WNT2B: variants seen among roughly 807,000 people sequenced by gnomAD.
WNT2B encodes Wnt family member 2B, also known as protein Wnt-2b.
A neutral mutation model predicts 40.5 loss-of-function variants in WNT2B; 19 were observed. The ratio of observed to expected loss-of-function variants is 0.47; its 90% CI spans 0.33 to 0.69. The LOEUF is 0.69. Ranked by LOEUF, WNT2B falls within the 30% of genes least tolerant of loss-of-function variation. WNT2B has a pLI of 0.02. For missense variants in WNT2B, 467 were observed against 556.4 expected, an observed-to-expected ratio of 0.84 and a Z score of 1.62; for synonymous variants, 220 against 211.9, an observed-to-expected ratio of 1.04 and a Z score of -0.33.
rs1414209901 is a variant in WNT2B at position 112,482,115 on chromosome 1, A to G, written c.-95+14524A>G. On this transcript the variant is annotated intron_variant, in intron 1 of 4. Coordinates refer to the WNT2B transcript ENST00000256640. The stretch of plus-strand genomic sequence containing the variant: ...GAGTTGAGATTGTGCATTGCACTCC[A>G]GCCTGGGCAACAAGAGTGAAAACTC... Among the ~76,000 whole-genome samples the G allele has an allele frequency of 2.0e-5, 3 of 151,316 alleles. No individual in the cohort carries two copies. The East Asian group carries it at 5.8e-4, about 29-fold the overall frequency.
intron 1 of WNT2B, among the ~76,000 whole-genome samples, chr1:112,502,171 G>A (rs1031353311): frequency 1.3e-5 from 2 of 152,204 alleles, no homozygotes; most frequent in Non-Finnish European, 2.9e-5. Context: ...TGCTGCGCCC[G>A]CGGGAGAGAG....
At chr1:112,508,621 A>C (rs1652204767), upstream of WNT2B, 1 of 729,502 alleles carries the variant, frequency 1.4e-6, no homozygotes. This position sits in a 1 kb window ranked among gnomAD's most constrained non-coding sequence, Gnocchi z 4.2. Flanking sequence ...GACAGGAGGG[A>C]AGTGCCCGCA....
Position 112,509,003 on chromosome 1 carries a change from C to T in WNT2B, c.-260C>T, listed in dbSNP as rs1652233471. 3 of 1,340,346 alleles carry T rather than the reference C, an allele frequency of 2.2e-6. No individual in the cohort carries two copies. Among genetic ancestry groups the T allele is most frequent in the Non-Finnish European group, 2.8e-6 (3 of 1,054,616 alleles). The allele number at this position is 1,340,346 out of a possible 1,614,324, so 83.0% of individuals were successfully genotyped here. A position where few individuals can be genotyped will look rare whatever the true frequency, so the allele number is the denominator to read the frequency against. The stretch of plus-strand genomic sequence containing the variant: ...GCAGCTCCCTTCAGCGCCGCAGACC[C>T]CCTGACACCGCACCCGGTCCTCAGG... On this transcript the variant is annotated 5_prime_UTR_variant, in exon 1 of 5. Coordinates refer to ENST00000369684, the MANE Select transcript of WNT2B (RefSeq NM_024494.3). This position sits in a 1 kb window ranked among gnomAD's most constrained non-coding sequence, Gnocchi z 4.2.
chr1:112,490,768 C>T (rs1018667701), intron 1 of WNT2B, among the ~76,000 whole-genome samples: 5 of 152,006 alleles, frequency 3.3e-5, no homozygotes, highest in Non-Finnish European at 7.4e-5. Context: ...GGATTACAGG[C>T]GTGAGCCCCC....
chr1:112,483,181 TACACACACACACAC>T (rs58250277), intron 1 of WNT2B, among the ~76,000 whole-genome samples: 27 of 141,132 alleles, frequency 1.9e-4, no homozygotes, highest in Admixed American at 5.0e-4. Flanking sequence ...GCAACATAGA[TACACACACACACAC>T]ACACACACAC....
At chr1:112,514,786 T>C in intron 1 of WNT2B, 88 bp from the exon 2 acceptor site, 1 of 1,280,884 alleles carries the variant, frequency 7.8e-7, no homozygotes, top group Non-Finnish European at 1.1e-6. Flanking sequence ...CTCTTCAAGG[T>C]CTGGATGCTA....
At chr1:112,487,822 A>G (rs1334440393) in intron 1 of WNT2B, among the ~76,000 whole-genome samples, 1 of 150,464 alleles carries the variant, frequency 6.6e-6, no homozygotes, top group Non-Finnish European at 1.5e-5. Flanking sequence ...AAACCCAGCT[A>G]TGTCAGGAGG....
intron 1 of WNT2B, among the ~76,000 whole-genome samples, chr1:112,484,715 C>A (rs1267972706): frequency 2.0e-5 from 3 of 150,204 alleles, no homozygotes; most frequent in African/African-American, 7.4e-5. Context: ...CAACTCCAGC[C>A]TGGGTGACAG....
At chr1:112,506,464 T>C (rs1557917657), upstream of WNT2B, among the ~76,000 whole-genome samples, 1 of 152,320 alleles carries the variant, frequency 6.6e-6, no homozygotes, top group East Asian at 1.9e-4. Context: ...TTCAGCCAAC[T>C]TTCCCCCTCC....
chr1:112,525,354 G>A lies in WNT2B; in HGVS notation c.*4845G>A, dbSNP rs1653238989. ...TACAGTGAATTGAGCTTTCTCAGAA[G>A]CTATTATTTTCTTTGGGTGATTGGC... On this transcript the variant is annotated 3_prime_UTR_variant, in exon 5 of 5. Transcript: ENST00000369684. 4 of 152,220 alleles carry A rather than the reference G, an allele frequency of 2.6e-5. No individual in the cohort carries two copies. Among genetic ancestry groups the A allele is most frequent in the Admixed American group, 2.6e-4 (4 of 15,278 alleles). The allele number at this position is 152,220 out of a possible 1,614,324, so 9.4% of individuals were successfully genotyped here.
At chr1:112,494,241 C>T (rs981694981) in intron 1 of WNT2B, among the ~76,000 whole-genome samples, 19 of 151,294 alleles carry the variant, frequency 1.3e-4, no homozygotes, top group African/African-American at 4.2e-4. Context: ...ACCCGAGAAG[C>T]GGAGGTTGCA....
rs1383854908 is a variant in WNT2B, at chr1:112,524,553, GAGCTTCACATTACACAGAGACCTGT to G, written c.*4049_*4073del. 6.5e-6 allele frequency: 1 copy of G among 152,676 alleles called. No homozygotes were observed. The highest frequency in any genetic ancestry group is 1.5e-5 in the Non-Finnish European group (1 of 68,082). The allele number at this position is 152,676 out of a possible 1,614,324, so 9.5% of individuals were successfully genotyped here. ...CTGGGTGCAGAAATGAAATACGGGA[GAGCTTCACATTACACAGAGACCTGT>G]AGCTCACACCTGGTTATTGATGGCC... On this transcript the variant is annotated 3_prime_UTR_variant, in exon 5 of 5. Transcript: ENST00000369684.
rs759363394 is a variant in WNT2B, at chr1:112,509,681, C to T, written c.182+237C>T. Reference sequence around the variant, plus strand: ...GAGCAAGGATGCCCGGTGGTCGCGGCTCCTTAGGCCTCCACGTGCTGTACC... The same window carrying T: ...GAGCAAGGATGCCCGGTGGTCGCGGTTCCTTAGGCCTCCACGTGCTGTACC... On this transcript the variant is annotated intron_variant, in intron 1 of 4. Coordinates refer to ENST00000369684, the MANE Select transcript of WNT2B (RefSeq NM_024494.3). The surrounding 1 kb of genome is among the most constrained non-coding windows in gnomAD (Gnocchi z 4.2). Among the ~76,000 whole-genome samples, 24 of 152,108 alleles carry T rather than the reference C, an allele frequency of 1.6e-4. No homozygotes were observed. The highest frequency in any genetic ancestry group is 2.9e-4 in the Non-Finnish European group (20 of 68,020).
chr1:112,504,293 C>T (rs565434963), upstream of WNT2B, among the ~76,000 whole-genome samples: 116 of 152,254 alleles, frequency 7.6e-4, no homozygotes, highest in African/African-American at 2.7e-3. Flanking sequence ...TCCTCTCCTC[C>T]TTCCCCTTCT....
upstream of WNT2B, among the ~76,000 whole-genome samples, chr1:112,505,376 T>G (rs996752721): frequency 2.6e-5 from 4 of 152,206 alleles, no homozygotes; most frequent in African/African-American, 7.2e-5. Flanking sequence ...TTTTGCTCCT[T>G]GTTATTTAGG....
upstream of WNT2B, among the ~76,000 whole-genome samples, chr1:112,504,245 C>T (rs1337785881): frequency 6.6e-6 from 1 of 152,056 alleles, no homozygotes; most frequent in Non-Finnish European, 1.5e-5. Flanking sequence ...CTCCAGACAC[C>T]CCCATTCCCT....
intron 1 of WNT2B, among the ~76,000 whole-genome samples, chr1:112,498,098 C>T (rs1395607786): frequency 6.6e-6 from 1 of 151,810 alleles, no homozygotes; most frequent in Non-Finnish European, 1.5e-5. Flanking sequence ...CCCGATAGGC[C>T]CCGGTGTGTG....
rs550751404 is a variant in WNT2B at position 112,511,000 on chromosome 1, TGATTGCTTCTTACCAGTTTGG to T, written c.182+1560_182+1580del. 8.9e-4 allele frequency among the ~76,000 whole-genome samples: 136 copies of T among 152,298 alleles called. 2 individuals carry two copies. The highest frequency in any genetic ancestry group is 3.2e-3 in the African/African-American group (134 of 41,570). On this transcript the variant is annotated intron_variant, in intron 1 of 4. Transcript: ENST00000369684. ...ACAGCAGTTTGCTTTTTGGGACTCT[TGATTGCTTCTTACCAGTTTGG>T]GATATAGTCTTGGGGACCAATTGGT...
intron 1 of WNT2B, among the ~76,000 whole-genome samples, chr1:112,481,650 C>A (rs934205650): frequency 6.6e-6 from 1 of 152,084 alleles, no homozygotes; most frequent in Non-Finnish European, 1.5e-5. Flanking sequence ...ACAGAAGACT[C>A]AATGAAAAAA....
Sources: gnomAD v4.1 joint callset for allele counts (sites outside exome capture counted in the v4.1 genomes callset) on GRCh38, gnomAD v4.1.1 for gene constraint, Gnocchi (gnomAD v3.1) non-coding constraint, MANE v1.5 for transcripts, NCBI Gene and HGNC (gene_info 2026-07-23, HGNC 2026-07-21) for gene names.